Variants in MAP2K1 observed in about 807,000 individuals in gnomAD.
The protein encoded by MAP2K1 is dual specificity mitogen-activated protein kinase kinase 1.
In MAP2K1, 16 loss-of-function variants were observed where a neutral mutation model predicts 46.3. The observed-to-expected ratio is 0.35, with a 90% confidence interval of 0.23 to 0.52. The LOEUF is 0.52. MAP2K1 is among the 20% of genes least tolerant of loss of function. The pLI, the probability that MAP2K1 is intolerant of heterozygous loss-of-function variation, is 0.94. For missense variants in MAP2K1, 263 were observed against 497.1 expected, an observed-to-expected ratio of 0.53 and a Z score of 4.48; for synonymous variants, 183 against 185.6, an observed-to-expected ratio of 0.99 and a Z score of 0.11.
At chr15:66,485,245 C>T (rs1333701535) in intron 7 of MAP2K1, 54 bp downstream of exon 7, 104 of 1,519,226 alleles carry the variant, frequency 6.8e-5, no homozygotes, top group Non-Finnish European at 2.7e-6. Flanking sequence ...GGGTCCCTTA[C>T]TTTCAGGGGT....
At chr15:66,484,460 C>G (rs1220945819) in intron 6 of MAP2K1, among the ~76,000 whole-genome samples, 1 of 152,126 alleles carries the variant, frequency 6.6e-6, no homozygotes, top group Non-Finnish European at 1.5e-5. Context: ...AGCAGCAGCC[C>G]CATTTTATAG....
At chr15:66,481,900 T>A (rs1567024846) in intron 6 of MAP2K1, 21 bp downstream of exon 6, 2 of 1,611,924 alleles carry the variant, frequency 1.2e-6, no homozygotes, top group Non-Finnish European at 1.7e-6. Context: ...AAGTTTCCAT[T>A]GCTTGAGCTT....
chr15:66,442,133 A>C (rs1033873462), intron 3 of MAP2K1, among the ~76,000 whole-genome samples: 1 of 152,088 alleles, frequency 6.6e-6, no homozygotes, highest in Non-Finnish European at 1.5e-5. Context: ...CATTCATGTC[A>C]TCTCATCTCC....
At chr15:66,489,352 A>G (rs2140683271) in intron 9 of MAP2K1, 76 bp downstream of exon 9, 1 of 1,353,652 alleles carries the variant, frequency 7.4e-7, no homozygotes, top group Non-Finnish European at 1.1e-6. Flanking sequence ...TGGAAGCACC[A>G]GCATTGCTTC....
intron 1 of MAP2K1, chr15:66,401,908 G>C: frequency 9.3e-7 from 1 of 1,079,826 alleles, no homozygotes; most frequent in Non-Finnish European, 1.3e-6. Flanking sequence ...TGAGTGTGAC[G>C]GGTGCATCGG....
chr15:66,420,518 A>G (rs1214378751), intron 1 of MAP2K1, among the ~76,000 whole-genome samples: 2 of 151,594 alleles, frequency 1.3e-5, no homozygotes, highest in East Asian at 1.9e-4. Context: ...GCACTGCTGC[A>G]CTCCAGCCTG....
At chr15:66,468,199 C>T (rs1027260012) in intron 5 of MAP2K1, among the ~76,000 whole-genome samples, 5 of 152,114 alleles carry the variant, frequency 3.3e-5, no homozygotes, top group African/African-American at 1.2e-4. Context: ...TCATTGTGTA[C>T]ACAACACATA....
At chr15:66,430,499 A>G (rs1373626793) in intron 1 of MAP2K1, among the ~76,000 whole-genome samples, 1 of 151,940 alleles carries the variant, frequency 6.6e-6, no homozygotes, top group East Asian at 1.9e-4. Context: ...CTTTTTCTGG[A>G]TATCACCCCC....
intron 1 of MAP2K1, among the ~76,000 whole-genome samples, chr15:66,404,166 C>G (rs1225790238): frequency 6.6e-6 from 1 of 152,090 alleles, no homozygotes; most frequent in Non-Finnish European, 1.5e-5. Flanking sequence ...TCATTGGAGC[C>G]AAGGAAAGGT....
intron 1 of MAP2K1, among the ~76,000 whole-genome samples, chr15:66,433,298 A>G (rs915411684): frequency 6.6e-6 from 1 of 152,190 alleles, no homozygotes; most frequent in African/African-American, 2.4e-5. Flanking sequence ...TTGGACTGCT[A>G]TGATAACATA....
intron 5 of MAP2K1, among the ~76,000 whole-genome samples, chr15:66,469,209 C>T (rs1892546812): frequency 6.6e-6 from 1 of 152,070 alleles, no homozygotes; most frequent in Non-Finnish European, 1.5e-5. Context: ...TGAGCCGAGA[C>T]CGTGCCATTG....
At chr15:66,443,800 G>A (rs1479978198) in intron 4 of MAP2K1, among the ~76,000 whole-genome samples, 4 of 152,200 alleles carry the variant, frequency 2.6e-5, no homozygotes, top group Non-Finnish European at 5.9e-5. Flanking sequence ...TTGAGAGGCT[G>A]CAGTAAGCCA....
intron 5 of MAP2K1, among the ~76,000 whole-genome samples, chr15:66,455,613 G>T (rs543656060): frequency 6.6e-6 from 1 of 152,202 alleles, no homozygotes; most frequent in East Asian, 1.9e-4. Flanking sequence ...CTTCAGCTGG[G>T]TGAGTATGTC....
chr15:66,425,719 C>G (rs914335060), intron 1 of MAP2K1, among the ~76,000 whole-genome samples: 5 of 152,148 alleles, frequency 3.3e-5, no homozygotes, highest in African/African-American at 7.2e-5. Context: ...ATTATTAGTT[C>G]AACAGTGAGA....
chr15:66,490,608 G>T lies in MAP2K1; in HGVS notation c.1175G>T (p.Gly392Val). ...NQPSTPTHAAGV is the reference protein window; with the variant it reads ...NQPSTPTHAAVV ...CCCAGCACACCAACCCATGCTGCTG[G>T]CGTCTAAGTGTTTGGGAAGCAACAA... The change falls in exon 11 of 11, where the codon GGC (glycine) becomes GTC (valine). Residue 392 changes from glycine (G) to valine (V), a missense_variant. Gly to Val is a moderately radical substitution (Grantham distance 109). Transcript: ENST00000307102. The T allele has an allele frequency of 1.9e-6, 3 of 1,614,006 alleles. No individual in the cohort carries two copies. The highest frequency in any genetic ancestry group is 1.7e-6 in the Non-Finnish European group (2 of 1,179,880).
At chr15:66,468,846 G>T (rs940203361) in intron 5 of MAP2K1, among the ~76,000 whole-genome samples, 1 of 151,856 alleles carries the variant, frequency 6.6e-6, no homozygotes, top group Non-Finnish European at 1.5e-5. Flanking sequence ...CAGGAGAATC[G>T]CTTGAACCCA....
At chr15:66,394,616 T>C (rs985855128) in intron 1 of MAP2K1, among the ~76,000 whole-genome samples, 1 of 152,022 alleles carries the variant, frequency 6.6e-6, no homozygotes, top group African/African-American at 2.4e-5. Context: ...CCACCATGCC[T>C]GGCTAATTTT....
chr15:66,408,847 C>T (rs958935477), intron 1 of MAP2K1, among the ~76,000 whole-genome samples: 4 of 152,270 alleles, frequency 2.6e-5, no homozygotes, highest in Non-Finnish European at 5.9e-5. Flanking sequence ...CAGACCTCTC[C>T]TCCACCCCAT....
intron 5 of MAP2K1, among the ~76,000 whole-genome samples, chr15:66,476,296 A>C (rs914919993): frequency 7.2e-5 from 11 of 152,192 alleles, no homozygotes; most frequent in African/African-American, 2.7e-4. Flanking sequence ...GATCAGAAAG[A>C]GAACGCAAGG....
Sources: gnomAD v4.1 joint callset for allele counts (sites outside exome capture counted in the v4.1 genomes callset) on GRCh38, gnomAD v4.1.1 for gene constraint, MANE v1.5 for transcripts, NCBI Gene and HGNC (gene_info 2026-07-23, HGNC 2026-07-21) for gene names.